CACNA2D3: variants seen among roughly 807,000 people sequenced by gnomAD.
CACNA2D3 encodes the protein calcium voltage-gated channel auxiliary subunit alpha2delta 3.
In CACNA2D3, 60 loss-of-function variants were observed where a neutral mutation model predicts 160.6. The observed-to-expected ratio is 0.37, with a 90% CI of 0.30 to 0.46. CACNA2D3 has a LOEUF of 0.46. Among genes scored for constraint, CACNA2D3 ranks in the 20% least tolerant of loss-of-function variants. The probability of loss-of-function intolerance (pLI) is 1.00; values close to 1 mark genes in which losing one functional copy is unlikely to be tolerated. For missense variants in CACNA2D3, 1,205 were observed against 1,365.0 expected, an observed-to-expected ratio of 0.88 and a Z score of 1.85; for synonymous variants, 558 against 492.9, an observed-to-expected ratio of 1.13 and a Z score of -1.75.
At chr3:54,331,689 C>T (rs969664652) in intron 3 of CACNA2D3, among the ~76,000 whole-genome samples, 1 of 152,154 alleles carries the variant, frequency 6.6e-6, no homozygotes, top group Non-Finnish European at 1.5e-5. Context: ...TAAGAATGTG[C>T]ATTATAAGGG....
At chr3:54,289,570 A>C (rs1048767734) in intron 2 of CACNA2D3, among the ~76,000 whole-genome samples, 6 of 152,188 alleles carry the variant, frequency 3.9e-5, no homozygotes, top group African/African-American at 1.4e-4. Context: ...TAAAGTTCAT[A>C]TGGAACCAAA....
chr3:54,779,512 T>G (rs1702492275), intron 13 of CACNA2D3, among the ~76,000 whole-genome samples: 1 of 152,242 alleles, frequency 6.6e-6, no homozygotes, highest in Non-Finnish European at 1.5e-5. Context: ...ACTTGTAATG[T>G]GCTTTTTTCT....
At chr3:54,357,659 G>A (rs1261034464) in intron 3 of CACNA2D3, among the ~76,000 whole-genome samples, 2 of 152,212 alleles carry the variant, frequency 1.3e-5, no homozygotes, top group Non-Finnish European at 2.9e-5. Context: ...AAACTTGGAA[G>A]CAACCAAAAT....
chr3:54,914,691 T>A (rs1050052376), intron 27 of CACNA2D3, among the ~76,000 whole-genome samples: 5 of 152,214 alleles, frequency 3.3e-5, no homozygotes, highest in African/African-American at 9.7e-5. Flanking sequence ...TGCATTGCAA[T>A]TTGAGTCTAA....
chr3:54,924,388 G>A (rs1286046346), intron 27 of CACNA2D3, among the ~76,000 whole-genome samples: 6 of 152,252 alleles, frequency 3.9e-5, no homozygotes, highest in African/African-American at 9.6e-5. Flanking sequence ...AATTAAACAA[G>A]TGAAAGTTAT....
At position 54,441,468 on chromosome 3, in the gene CACNA2D3, T is replaced by C. The variant is rs182094091; in HGVS notation, c.381+54694T>C. On this transcript the variant is annotated intron_variant, in intron 4 of 37. Transcript: ENST00000474759. ...TCACTCTGATGGTAGTTTCTTTTGC[T>C]GTGCAGAAGCTGTTTAGTTTAATTA... is the stretch of plus-strand genomic sequence containing the variant. Among the ~76,000 whole-genome samples the C allele has an allele frequency of 4.5e-3, 687 of 152,354 alleles. 5 individuals are homozygous for C. The highest frequency in any genetic ancestry group is 0.021 in the South Asian group (99 of 4,828).
At chr3:54,313,780 G>A (rs1703800349) in intron 2 of CACNA2D3, among the ~76,000 whole-genome samples, 1 of 126,456 alleles carries the variant, frequency 7.9e-6, no homozygotes, top group Non-Finnish European at 1.5e-5. Flanking sequence ...AAAGGGTTCT[G>A]CAAGATAGGA....
intron 11 of CACNA2D3, among the ~76,000 whole-genome samples, chr3:54,721,716 G>T (rs552997201): frequency 3.7e-4 from 53 of 143,088 alleles, no homozygotes; most frequent in African/African-American, 1.4e-3. Flanking sequence ...AGCCGAGATT[G>T]CACCACTGCA....
At chr3:54,463,347 C>A (rs1336623888) in intron 4 of CACNA2D3, among the ~76,000 whole-genome samples, 1 of 152,196 alleles carries the variant, frequency 6.6e-6, no homozygotes, top group Non-Finnish European at 1.5e-5. Context: ...GGGAAGTTCT[C>A]CTGGATAATA....
chr3:54,665,628 G>C (rs1349803040), intron 11 of CACNA2D3, among the ~76,000 whole-genome samples: 1 of 152,004 alleles, frequency 6.6e-6, no homozygotes. Context: ...GCATTAGACG[G>C]CTCATAATAC....
intron 9 of CACNA2D3, among the ~76,000 whole-genome samples, chr3:54,616,134 T>C (rs1478352428): frequency 1.3e-5 from 2 of 152,066 alleles, no homozygotes; most frequent in Non-Finnish European, 2.9e-5. Flanking sequence ...ACAACAAACA[T>C]TTATTATCTC....
intron 11 of CACNA2D3, among the ~76,000 whole-genome samples, chr3:54,649,902 G>A (rs79985549): frequency 1.4e-3 from 215 of 152,248 alleles, no homozygotes; most frequent in African/African-American, 4.8e-3. Context: ...TACACTTTAG[G>A]GAGTGAGGAT....
chr3:54,548,414 C>A (rs189431582), intron 5 of CACNA2D3, among the ~76,000 whole-genome samples: 13 of 152,258 alleles, frequency 8.5e-5, no homozygotes, highest in Admixed American at 8.5e-4. Context: ...GAGGGAGGAG[C>A]CTTTTTCCAC....
chr3:54,957,614 C>G (rs1701932953), intron 27 of CACNA2D3, among the ~76,000 whole-genome samples: 1 of 152,036 alleles, frequency 6.6e-6, no homozygotes, highest in Non-Finnish European at 1.5e-5. Context: ...TTAGGGAGGG[C>G]CGGTGGGGAA....
At chr3:54,915,549 C>G (rs527513007) in intron 27 of CACNA2D3, among the ~76,000 whole-genome samples, 2 of 152,104 alleles carry the variant, frequency 1.3e-5, no homozygotes, top group Admixed American at 6.5e-5. Context: ...ATCTATGAGG[C>G]GTTTGCAAAT....
At chr3:54,391,853 C>T (rs1200355036) in intron 4 of CACNA2D3, among the ~76,000 whole-genome samples, 1 of 152,148 alleles carries the variant, frequency 6.6e-6, no homozygotes, top group East Asian at 1.9e-4. Context: ...CAGTTCAGCC[C>T]TCTGGCTTGT....
intron 11 of CACNA2D3, among the ~76,000 whole-genome samples, chr3:54,713,320 G>T (rs1025803597): frequency 2.0e-5 from 3 of 152,186 alleles, no homozygotes; most frequent in Admixed American, 6.5e-5. Flanking sequence ...TTGGAATTAG[G>T]TGATTCTCCA....
chr3:54,158,594 A>C (rs1339813329), intron 2 of CACNA2D3, among the ~76,000 whole-genome samples: 1 of 152,168 alleles, frequency 6.6e-6, no homozygotes, highest in East Asian at 1.9e-4. Flanking sequence ...GGACACCCTT[A>C]GTTTTTCAGG....
chr3:55,026,829 T>G (rs1186098453), intron 35 of CACNA2D3, among the ~76,000 whole-genome samples: 1 of 152,178 alleles, frequency 6.6e-6, no homozygotes, highest in Non-Finnish European at 1.5e-5. Context: ...GACACCGGTA[T>G]GGAACCACTG....
Sources: gnomAD v4.1 joint callset for allele counts (sites outside exome capture counted in the v4.1 genomes callset) on GRCh38, gnomAD v4.1.1 for gene constraint, MANE v1.5 for transcripts, NCBI Gene and HGNC (gene_info 2026-07-23, HGNC 2026-07-21) for gene names.